CTNNA3: variants seen among roughly 807,000 people sequenced by gnomAD.
CTNNA3 encodes catenin alpha 3.
A neutral mutation model predicts 95.7 loss-of-function variants in CTNNA3; 76 were observed. That is an observed-to-expected ratio of 0.79 (90% confidence interval 0.66 to 0.96). The LOEUF (loss-of-function observed/expected upper bound fraction) is 0.96, where lower values mean the gene tolerates loss of function less well. Among genes scored for constraint, CTNNA3 ranks in the 40% least tolerant of loss-of-function variants. The pLI is 0.00. For synonymous variants in CTNNA3, 431 were observed against 374.4 expected (o/e 1.15, Z -1.74); for missense variants, 1,191 against 1,089.8 (o/e 1.09, Z -1.31).
At chr10:66,013,811 T>A (rs911894193) in intron 15 of CTNNA3, among the ~76,000 whole-genome samples, 5 of 152,202 alleles carry the variant, frequency 3.3e-5, no homozygotes, top group African/African-American at 1.2e-4. Context: ...TTTATTAATA[T>A]GGATGTCTAA....
chr10:66,164,070 T>C (rs2084995858), intron 13 of CTNNA3, among the ~76,000 whole-genome samples: 1 of 152,132 alleles, frequency 6.6e-6, no homozygotes, highest in South Asian at 2.1e-4. Flanking sequence ...GAAAAACTGT[T>C]TGAGAGCGTG....
intron 7 of CTNNA3, among the ~76,000 whole-genome samples, chr10:66,814,229 A>G (rs963977880): frequency 6.6e-6 from 1 of 150,506 alleles, no homozygotes; most frequent in Non-Finnish European, 1.5e-5. Context: ...GGTGGGTGAC[A>G]TTATTCCCAG....
At chr10:66,400,249 C>T (rs565538066) in intron 11 of CTNNA3, among the ~76,000 whole-genome samples, 6 of 152,030 alleles carry the variant, frequency 3.9e-5, no homozygotes, top group African/African-American at 1.2e-4. Flanking sequence ...CATTAATATC[C>T]TACAGATTTG....
At chr10:66,428,341 C>G (rs10997117) in intron 11 of CTNNA3, among the ~76,000 whole-genome samples, 5,240 of 152,098 alleles carry the variant, frequency 0.034, 304 homozygotes, top group African/African-American at 0.12. Flanking sequence ...TTAGACAGAT[C>G]AATGAGACAG....
intron 5 of CTNNA3, among the ~76,000 whole-genome samples, chr10:67,248,583 T>A (rs1865991519): frequency 6.6e-6 from 1 of 151,762 alleles, no homozygotes; most frequent in Non-Finnish European, 1.5e-5. Flanking sequence ...ACTTGGCTGG[T>A]TTTTGCTTTT....
At chr10:66,871,562 C>CAAAAAAAAAAAAA in intron 7 of CTNNA3, among the ~76,000 whole-genome samples, 1 of 96,460 alleles carries the variant, frequency 1.0e-5, no homozygotes, top group Non-Finnish European at 2.0e-5. Flanking sequence ...AACTCTGTCT[C>CAAAAAAAAAAAAA]AAAAAAAAAA....
chr10:67,348,703 T>C (rs745892708), intron 5 of CTNNA3, among the ~76,000 whole-genome samples: 18 of 151,992 alleles, frequency 1.2e-4, no homozygotes, highest in Non-Finnish European at 2.4e-4. Context: ...GCACCAAGAT[T>C]TTCATAAGGG....
chr10:65,981,565 T>C (rs1332179286), intron 16 of CTNNA3, among the ~76,000 whole-genome samples: 1 of 151,502 alleles, frequency 6.6e-6, no homozygotes, highest in East Asian at 1.9e-4. Context: ...AAAGAAGAAA[T>C]CTGGAGGCAT....
intron 12 of CTNNA3, among the ~76,000 whole-genome samples, chr10:66,317,208 G>T (rs1010044124): frequency 8.6e-5 from 13 of 152,030 alleles, no homozygotes; most frequent in African/African-American, 3.1e-4. Context: ...CAGAGAAAAT[G>T]GTGATGTTTC....
chr10:65,986,604 G>T (rs543472148), intron 16 of CTNNA3, among the ~76,000 whole-genome samples: 74 of 151,508 alleles, frequency 4.9e-4, no homozygotes, highest in Admixed American at 3.0e-3. Flanking sequence ...TGTATGGAAA[G>T]AATTAATATT....
chr10:66,366,257 A>G (rs775225124), intron 12 of CTNNA3, among the ~76,000 whole-genome samples: 1 of 152,126 alleles, frequency 6.6e-6, no homozygotes, highest in Non-Finnish European at 1.5e-5. Flanking sequence ...AACTAATGAG[A>G]TATAATATGC....
chr10:66,065,639 C>T (rs2080298346), intron 15 of CTNNA3, among the ~76,000 whole-genome samples: 1 of 152,052 alleles, frequency 6.6e-6, no homozygotes, highest in African/African-American at 2.4e-5. Flanking sequence ...TTGTATGTTA[C>T]TTTTCTTATT....
intron 7 of CTNNA3, chr10:66,928,401 G>C (rs1229477510): frequency 6.2e-7 from 1 of 1,614,102 alleles, no homozygotes; most frequent in East Asian, 2.2e-5. Flanking sequence ...AGATGCTGCT[G>C]AATGGGACGG....
At chr10:67,367,941 C>T (rs945542832) in intron 5 of CTNNA3, among the ~76,000 whole-genome samples, 1 of 152,034 alleles carries the variant, frequency 6.6e-6, no homozygotes. Context: ...GTACTATGCT[C>T]AGTATGTGGG....
intron 9 of CTNNA3, among the ~76,000 whole-genome samples, chr10:66,657,591 A>G (rs1402718778): frequency 6.6e-6 from 1 of 152,088 alleles, no homozygotes; most frequent in Non-Finnish European, 1.5e-5. Flanking sequence ...CATCTTTGCA[A>G]TTTCTCCCAA....
intron 12 of CTNNA3, among the ~76,000 whole-genome samples, chr10:66,362,370 G>A (rs2092682509): frequency 6.6e-6 from 1 of 151,132 alleles, no homozygotes; most frequent in Admixed American, 6.6e-5. Flanking sequence ...CAAAGTGCTG[G>A]GATTAAAGGC....
rs1262154429 is a variant in CTNNA3 at position 66,908,733 on chromosome 10, C to T, written c.1048-133209G>A. ...AGTTTTGCTTTGCTGGCACTTAATTCAGGTTTTTCCCCTGTAAGTTGAGTC... is the reference window on the plus strand; with the variant it reads ...AGTTTTGCTTTGCTGGCACTTAATTTAGGTTTTTCCCCTGTAAGTTGAGTC... On this transcript the variant is annotated intron_variant, in intron 7 of 17. Transcript: ENST00000433211. 2.0e-5 allele frequency among the ~76,000 whole-genome samples: 3 copies of T among 151,886 alleles called. No individual in the cohort carries two copies. In the East Asian group the frequency reaches 5.8e-4, roughly 29 times the overall value.
intron 7 of CTNNA3, among the ~76,000 whole-genome samples, chr10:66,945,538 T>A (rs1027453258): frequency 6.6e-6 from 1 of 152,172 alleles, no homozygotes; most frequent in Non-Finnish European, 1.5e-5. Context: ...GTTCTCCATA[T>A]CAGCAATAAG....
At chr10:66,601,114 A>G (rs1843906730) in intron 10 of CTNNA3, among the ~76,000 whole-genome samples, 1 of 151,862 alleles carries the variant, frequency 6.6e-6, no homozygotes, top group Admixed American at 6.6e-5. Context: ...TGGTAGCTCT[A>G]GGAAAGTACC....
Sources: allele counts gnomAD v4.1 joint callset (sites outside exome capture counted in the v4.1 genomes callset), GRCh38; gene constraint gnomAD v4.1.1; transcripts MANE v1.5; gene names NCBI Gene and HGNC (gene_info 2026-07-23, HGNC 2026-07-21).